The following MCPH1 variants were observed in gnomAD, a reference collection of about 807,000 sequenced individuals.
MCPH1 encodes the protein microcephalin 1.
In MCPH1, 104 loss-of-function variants were observed where a neutral mutation model predicts 84.5. That is an observed-to-expected ratio of 1.23 (90% CI 1.05 to 1.45). The LOEUF is 1.45. Among genes scored for constraint, MCPH1 ranks in the 40% most tolerant of loss-of-function variants. The pLI is 0.00. For synonymous variants in MCPH1, 514 were observed against 366.8 expected (o/e 1.40, Z -4.58); for missense variants, 1,498 against 1,005.7 (o/e 1.49, Z -6.62).
chr8:6,633,482 T>A (rs553384441), intron 13 of MCPH1, among the ~76,000 whole-genome samples: 1 of 152,224 alleles, frequency 6.6e-6, no homozygotes, highest in Admixed American at 6.5e-5. Context: ...TAATCTGAAA[T>A]GCTCCGATAT....
intron 3 of MCPH1, among the ~76,000 whole-genome samples, chr8:6,427,291 A>G (rs1376880263): frequency 6.6e-6 from 1 of 152,208 alleles, no homozygotes; most frequent in African/African-American, 2.4e-5. Flanking sequence ...CATTACTACT[A>G]TACAGTACTA....
In MCPH1 at chr8:6,621,551, C is replaced by T. The variant is rs1039322742; in HGVS notation, c.2312C>T (p.Pro771Leu). 6 of 1,614,090 alleles carry T rather than the reference C, an allele frequency of 3.7e-6. No individual in the cohort carries two copies. The highest frequency in any genetic ancestry group is 1.1e-5 in the South Asian group (1 of 91,088). Residue 771 changes from proline to leucine, a missense_variant, in exon 13 of 14, where the codon CCA (proline) becomes CTA (leucine). Coordinates refer to ENST00000344683, the MANE Select transcript of MCPH1 (RefSeq NM_024596.5). ...TTTGTCTCGCCTGCCAGCAGCCCCC[C>T]AGTGGCCAAGCTCTGTGAACTAGTC... ...AMFVSPASSP[P>L]VAKLCELVHL...
chr8:6,415,349 TG>T (rs1799119276), intron 3 of MCPH1, among the ~76,000 whole-genome samples: 2 of 150,590 alleles, frequency 1.3e-5, no homozygotes, highest in African/African-American at 4.9e-5. Flanking sequence ...GTGCAGTAGC[TG>T]GATCTTGGGT....
intron 12 of MCPH1, among the ~76,000 whole-genome samples, chr8:6,599,166 A>G (rs1244046199): frequency 1.3e-5 from 2 of 152,230 alleles, no homozygotes; most frequent in South Asian, 2.1e-4. Context: ...TAATCTCAGT[A>G]TCTTAAAAAG....
chr8:6,436,227 A>G (rs1802618737), intron 5 of MCPH1, 65 bp downstream of exon 5: 1 of 1,524,372 alleles, frequency 6.6e-7, no homozygotes. Context: ...AATTTGCATG[A>G]TGACTAGTGG....
chr8:6,473,323 T>C (rs1808006371), intron 9 of MCPH1, among the ~76,000 whole-genome samples: 4 of 14,222 alleles, frequency 2.8e-4, no homozygotes, highest in Non-Finnish European at 1.0e-3. Context: ...CTCAATCCTT[T>C]TTTTTTTTTT....
At chr8:6,545,978 A>T (rs772393310) in intron 12 of MCPH1, among the ~76,000 whole-genome samples, 1 of 152,236 alleles carries the variant, frequency 6.6e-6, no homozygotes, top group Non-Finnish European at 1.5e-5. Context: ...GATATTTGTG[A>T]CATTGGAAGC....
chr8:6,614,629 G>A (rs1449666423), intron 12 of MCPH1, among the ~76,000 whole-genome samples: 1 of 152,168 alleles, frequency 6.6e-6, no homozygotes, highest in Non-Finnish European at 1.5e-5. Flanking sequence ...AATAATCAAC[G>A]TGACTTGTCT....
intron 13 of MCPH1, chr8:6,642,693 C>T (rs1288738524): frequency 2.2e-6 from 1 of 460,998 alleles, no homozygotes; most frequent in African/African-American, 2.0e-5. Context: ...GGCAAGCTTC[C>T]CACCCTGCCC....
intron 11 of MCPH1, among the ~76,000 whole-genome samples, chr8:6,481,477 A>G (rs1809235526): frequency 6.6e-6 from 1 of 152,194 alleles, no homozygotes; most frequent in African/African-American, 2.4e-5. Flanking sequence ...TCCTCAACCT[A>G]AGGTTGCTCC....
rs919722188 is a variant in MCPH1 at position 6,644,822 on chromosome 8, C to G, written c.*1773C>G. 3.9e-5 allele frequency: 6 copies of G among 152,120 alleles called. No individual in the cohort carries two copies. Among genetic ancestry groups the G allele is most frequent in the Non-Finnish European group, 7.4e-5 (5 of 68,022 alleles). 9.4% of individuals were successfully genotyped at this position (152,120 alleles called of 1,614,324 possible). A position where few individuals can be genotyped will look rare whatever the true frequency, so the allele number is the denominator to read the frequency against. ...ATAACAGAACCACTTCTAGAATGAA[C>G]CTTTGAGAAGGGAGGTAGCAGTGCA... On this transcript the variant is annotated 3_prime_UTR_variant, in exon 14 of 14. Coordinates refer to ENST00000344683, the MANE Select transcript of MCPH1 (RefSeq NM_024596.5).
chr8:6,503,749 G>A (rs1450948480), intron 12 of MCPH1, among the ~76,000 whole-genome samples: 1 of 152,208 alleles, frequency 6.6e-6, no homozygotes, highest in Non-Finnish European at 1.5e-5. Flanking sequence ...TAAAAAGGAA[G>A]TCTCTATGTT....
At chr8:6,535,302 T>C (rs1460554513) in intron 12 of MCPH1, among the ~76,000 whole-genome samples, 1 of 152,190 alleles carries the variant, frequency 6.6e-6, no homozygotes, top group Non-Finnish European at 1.5e-5. Context: ...TTGTTTATAA[T>C]TGAAAACTTA....
At chr8:6,467,633 T>C (rs1807146793) in intron 9 of MCPH1, among the ~76,000 whole-genome samples, 1 of 152,216 alleles carries the variant, frequency 6.6e-6, no homozygotes, top group African/African-American at 2.4e-5. Context: ...TCTTGCTCTG[T>C]TGCCCAGGCT....
chr8:6,615,658 CTT>C (rs951081194), intron 12 of MCPH1: 13 of 152,286 alleles, frequency 8.5e-5, no homozygotes, highest in African/African-American at 2.6e-4. Flanking sequence ...GTACAGTTGA[CTT>C]TTTTGTATAC....
chr8:6,547,825 T>C (rs1822880884), intron 12 of MCPH1, among the ~76,000 whole-genome samples: 1 of 151,180 alleles, frequency 6.6e-6, no homozygotes, highest in African/African-American at 2.4e-5. Context: ...AAGGGAGCCG[T>C]GGCAGAGGTT....
chr8:6,504,107 A>G (rs1812750475), intron 12 of MCPH1, among the ~76,000 whole-genome samples: 1 of 152,102 alleles, frequency 6.6e-6, no homozygotes, highest in South Asian at 2.1e-4. Flanking sequence ...TCACGAGATC[A>G]GGAGACCGAG....
intron 8 of MCPH1, chr8:6,445,762 T>C: frequency 7.4e-7 from 1 of 1,349,810 alleles, no homozygotes; most frequent in South Asian, 2.0e-5. Flanking sequence ...TTAAGTCTGT[T>C]AGGAATCTAT....
At chr8:6,433,959 C>A (rs1481875591) in intron 4 of MCPH1, among the ~76,000 whole-genome samples, 1 of 152,090 alleles carries the variant, frequency 6.6e-6, no homozygotes, top group African/African-American at 2.4e-5. Context: ...ATTGCGTTAT[C>A]TGTTCCCTCT....
Sources: allele counts gnomAD v4.1 joint callset (sites outside exome capture counted in the v4.1 genomes callset), GRCh38; gene constraint gnomAD v4.1.1; transcripts MANE v1.5; gene names NCBI Gene and HGNC (gene_info 2026-07-23, HGNC 2026-07-21).